Variants in CSTPP1 observed in about 807,000 individuals in gnomAD.
CSTPP1 encodes centriolar satellite-associated tubulin polyglutamylase complex regulator 1.
the CSTPP1 span, among the ~76,000 whole-genome samples, chr11:47,045,454 C>A: frequency 6.6e-6 from 1 of 152,160 alleles, no homozygotes; most frequent in Non-Finnish European, 1.5e-5. Flanking sequence ...AGTGTGAATA[C>A]TTATATGTTT....
At chr11:46,987,641 A>C in the CSTPP1 span, 1 of 205,356 alleles carries the variant, frequency 4.9e-6, no homozygotes, top group East Asian at 1.1e-4. Flanking sequence ...ATGTTCATCT[A>C]GCCTGTTTTT....
chr11:46,993,619 C>T, the CSTPP1 span, among the ~76,000 whole-genome samples: 1 of 152,020 alleles, frequency 6.6e-6, no homozygotes, highest in Admixed American at 6.6e-5. Flanking sequence ...GGGCTCTGTT[C>T]TGTTCCATTG....
the CSTPP1 span, chr11:47,161,083 G>T: frequency 1.8e-5 from 29 of 1,612,756 alleles, 1 homozygote; most frequent in Admixed American, 3.7e-4. Flanking sequence ...TTGCCTGGCT[G>T]AAGGGCCCTC....
chr11:47,078,544 T>G, the CSTPP1 span, among the ~76,000 whole-genome samples: 1 of 152,142 alleles, frequency 6.6e-6, no homozygotes, highest in African/African-American at 2.4e-5. Flanking sequence ...GTAAAGGGGA[T>G]AGTTGGTGGA....
At chr11:47,134,759 GGA>G in the CSTPP1 span, among the ~76,000 whole-genome samples, 1 of 152,190 alleles carries the variant, frequency 6.6e-6, no homozygotes, top group African/African-American at 2.4e-5. Context: ...GGCCACTGCA[GGA>G]GAGTGTTCAA....
At chr11:47,010,231 AGT>A in the CSTPP1 span, among the ~76,000 whole-genome samples, 1 of 152,250 alleles carries the variant, frequency 6.6e-6, no homozygotes, top group Non-Finnish European at 1.5e-5. Flanking sequence ...TCCCAAGTTT[AGT>A]GTGCCTTGGC....
the CSTPP1 span, among the ~76,000 whole-genome samples, chr11:47,144,397 C>T: frequency 6.6e-6 from 1 of 151,946 alleles, no homozygotes; most frequent in African/African-American, 2.4e-5. Flanking sequence ...ACCATGTTGG[C>T]CAGGCTGGTC....
the CSTPP1 span, among the ~76,000 whole-genome samples, chr11:47,104,978 C>T: frequency 6.6e-6 from 1 of 152,234 alleles, no homozygotes; most frequent in South Asian, 2.1e-4. Context: ...GGTCAACCTG[C>T]AGTTCCCAAA....
the CSTPP1 span, among the ~76,000 whole-genome samples, chr11:47,079,146 G>C: frequency 1.3e-5 from 2 of 152,172 alleles, no homozygotes; most frequent in African/African-American, 4.8e-5. Flanking sequence ...CGGAGGTCTT[G>C]TGGGGGATCA....
chr11:46,971,725 G>A, the CSTPP1 span, among the ~76,000 whole-genome samples: 40 of 152,034 alleles, frequency 2.6e-4, no homozygotes, highest in African/African-American at 6.8e-4. Flanking sequence ...CAGGAGGATC[G>A]CTTGAGCCTA....
the CSTPP1 span, chr11:47,159,578 G>C: frequency 4.4e-6 from 2 of 455,744 alleles, no homozygotes; most frequent in East Asian, 1.4e-4. Context: ...GGTGGGATCT[G>C]CCCTGGTGTT....
the CSTPP1 span, among the ~76,000 whole-genome samples, chr11:46,938,955 T>G: frequency 6.6e-6 from 1 of 151,906 alleles, no homozygotes; most frequent in Non-Finnish European, 1.5e-5. Flanking sequence ...TTTTTAATTT[T>G]TTGTAGAGAA....
At chr11:47,025,188 T>C in the CSTPP1 span, among the ~76,000 whole-genome samples, 1 of 152,190 alleles carries the variant, frequency 6.6e-6, no homozygotes, top group East Asian at 1.9e-4. Flanking sequence ...CCAGTAGCTT[T>C]AGAAGGTAAA....
chr11:47,052,519 G>A, the CSTPP1 span: 1 of 1,612,888 alleles, frequency 6.2e-7, no homozygotes, highest in Non-Finnish European at 8.5e-7. Flanking sequence ...AAAAATGGCG[G>A]TAAGTCTTCC....
At chr11:46,991,854 C>T in the CSTPP1 span, among the ~76,000 whole-genome samples, 1 of 152,288 alleles carries the variant, frequency 6.6e-6, no homozygotes, top group East Asian at 1.9e-4. Flanking sequence ...GATTCTCCCG[C>T]CTCAGCCTCC....
chr11:47,061,063 GT>G, the CSTPP1 span, among the ~76,000 whole-genome samples: 13 of 152,264 alleles, frequency 8.5e-5, no homozygotes, highest in African/African-American at 3.1e-4. Flanking sequence ...AGTATGGCCA[GT>G]TTTATCCCTC....
At chr11:47,109,368 G>A in the CSTPP1 span, 1 of 151,988 alleles carries the variant, frequency 6.6e-6, no homozygotes, top group African/African-American at 2.4e-5. Context: ...TCTGAGGACC[G>A]AGGACAAGCA....
At chr11:46,951,477 T>C in the CSTPP1 span, among the ~76,000 whole-genome samples, 1 of 146,764 alleles carries the variant, frequency 6.8e-6, no homozygotes, top group Non-Finnish European at 1.6e-5. Flanking sequence ...TTAAATTCTT[T>C]GTTTGTTATG....
the CSTPP1 span, among the ~76,000 whole-genome samples, chr11:46,976,645 A>C: frequency 6.6e-6 from 1 of 152,220 alleles, no homozygotes; most frequent in Admixed American, 6.5e-5. Context: ...TGCTTGGCAC[A>C]GAATAGGTAT....
Sources: allele counts gnomAD v4.1 joint callset (sites outside exome capture counted in the v4.1 genomes callset), GRCh38; gene constraint gnomAD v4.1.1; transcripts MANE v1.5; gene names NCBI Gene and HGNC (gene_info 2026-07-23, HGNC 2026-07-21).